DHX15: variants seen among roughly 807,000 people sequenced by gnomAD.
DHX15 encodes the protein DEAH-box helicase 15.
Under a neutral mutation model 94.4 loss-of-function variants are expected in DHX15, and 11 were observed. That is an observed-to-expected ratio of 0.12 (90% CI 0.07 to 0.19). The LOEUF (loss-of-function observed/expected upper bound fraction) is 0.19. DHX15 is among the 10% of genes least tolerant of loss of function. The pLI is 1.00. For missense variants in DHX15, 304 were observed against 988.5 expected, an observed-to-expected ratio of 0.31 and a Z score of 9.29; for synonymous variants, 338 against 329.9, an observed-to-expected ratio of 1.02 and a Z score of -0.27.
At chr4:24,543,458 T>C (rs1721359677) in intron 6 of DHX15, among the ~76,000 whole-genome samples, 1 of 152,142 alleles carries the variant, frequency 6.6e-6, no homozygotes, top group South Asian at 2.1e-4. Context: ...GTTATTTATA[T>C]CACCAAAATT....
chr4:24,584,155 G>A, intron 1 of DHX15, 168 bp downstream of exon 1: 3 of 694,294 alleles, frequency 4.3e-6, no homozygotes, highest in South Asian at 1.9e-5. Flanking sequence ...CGCCCTTGCC[G>A]GGCCGAACGG....
rs537915513 is a variant in DHX15 at position 24,542,888 on chromosome 4, G to C, written c.1335+52C>G. 7.6e-6 allele frequency: 10 copies of C among 1,312,946 alleles called. No homozygotes were observed. In the South Asian group the frequency reaches 1.1e-4, roughly 15 times the overall value. 81.3% of individuals were successfully genotyped at this position (1,312,946 alleles called of 1,614,324 possible). A position where few individuals can be genotyped will look rare whatever the true frequency, so the allele number is the denominator to read the frequency against. On this transcript the variant is annotated intron_variant, in intron 7 of 13. Transcript: ENST00000336812. ...ATTTTAGCCATTAAATGAATTGGTT[G>C]TAAGTACTGTTAAACCAACTCTAAT...
intron 11 of DHX15, among the ~76,000 whole-genome samples, chr4:24,536,322 T>C (rs949590599): frequency 3.3e-5 from 5 of 152,222 alleles, no homozygotes; most frequent in African/African-American, 1.2e-4. Flanking sequence ...GGTGAAATTA[T>C]TTAATCAAAT....
At chr4:24,579,707 T>C (rs1722362765) in intron 1 of DHX15, among the ~76,000 whole-genome samples, 1 of 152,240 alleles carries the variant, frequency 6.6e-6, no homozygotes, top group African/African-American at 2.4e-5. Flanking sequence ...AGTTAATATA[T>C]GTGATGTGCT....
chr4:24,530,637 A>T (rs1159424143), intron 12 of DHX15: 1 of 151,864 alleles, frequency 6.6e-6, no homozygotes, highest in East Asian at 1.9e-4. Context: ...GAGGGCAAAG[A>T]GGAAAAGAAA....
chr4:24,547,895 ATG>A (rs1349496773), intron 6 of DHX15, among the ~76,000 whole-genome samples: 35 of 44,754 alleles, frequency 7.8e-4, no homozygotes, highest in East Asian at 1.7e-3. Context: ...CTCTCTATGT[ATG>A]TATGTGTATA....
intron 3 of DHX15, among the ~76,000 whole-genome samples, chr4:24,559,028 C>T (rs534942732): frequency 6.6e-6 from 1 of 152,238 alleles, no homozygotes; most frequent in South Asian, 2.1e-4. Flanking sequence ...TGACATTACT[C>T]AGAAATAGGG....
intron 2 of DHX15, among the ~76,000 whole-genome samples, chr4:24,574,275 G>A (rs1722193415): frequency 1.5e-5 from 2 of 133,916 alleles, no homozygotes; most frequent in South Asian, 4.9e-4. Flanking sequence ...TTTCTGACAA[G>A]AACAAATCAC....
intron 2 of DHX15, among the ~76,000 whole-genome samples, chr4:24,571,514 G>A (rs1315029641): frequency 6.6e-6 from 1 of 152,204 alleles, no homozygotes; most frequent in Non-Finnish European, 1.5e-5. Flanking sequence ...TGCCATGACG[G>A]CAGTACATTT....
At chr4:24,564,848 T>C (rs1461162124) in intron 3 of DHX15, among the ~76,000 whole-genome samples, 1 of 152,136 alleles carries the variant, frequency 6.6e-6, no homozygotes, top group African/African-American at 2.4e-5. Flanking sequence ...TCTACAGTGT[T>C]TCAATGTTCA....
At position 24,554,755 on chromosome 4, in the gene DHX15, T is replaced by C; in HGVS notation, c.1050A>G (p.Gly350=). 1.2e-6 allele frequency: 2 copies of C among 1,613,314 alleles called. No individual in the cohort carries two copies. The highest frequency in any genetic ancestry group is 1.1e-5 in the South Asian group (1 of 91,062). Reference sequence around the variant, plus strand: ...GACCAGTTAAGAAAAGAAGAAGATCTCCCTCTTCCTCTTCACACATATGAA... The same window carrying C: ...GACCAGTTAAGAAAAGAAGAAGATCCCCCTCTTCCTCTTCACACATATGAA... ...IQIHMCEEEE[G]DLLLFLTGQE... The change falls in exon 5 of 14, where the codon GGA becomes GGG. Residue 350 remains glycine, a synonymous_variant. Coordinates refer to ENST00000336812, the MANE Select transcript of DHX15 (RefSeq NM_001358.3).
At chr4:24,570,400 A>C (rs1722097540) in intron 3 of DHX15, among the ~76,000 whole-genome samples, 1 of 152,178 alleles carries the variant, frequency 6.6e-6, no homozygotes. Flanking sequence ...CACATTTTAC[A>C]GTATCAGTAA....
chr4:24,544,225 T>C (rs1012782788), intron 6 of DHX15, among the ~76,000 whole-genome samples: 1 of 152,202 alleles, frequency 6.6e-6, no homozygotes, highest in Non-Finnish European at 1.5e-5. Flanking sequence ...ATTTTATAAA[T>C]CAAATAGCTT....
At chr4:24,549,431 G>T (rs766324502) in intron 5 of DHX15, among the ~76,000 whole-genome samples, 1 of 152,202 alleles carries the variant, frequency 6.6e-6, no homozygotes, top group African/African-American at 2.4e-5. Context: ...TTAATGTCAC[G>T]TATCACTAAT....
chr4:24,529,887 C>T (rs1721037921), intron 12 of DHX15, 117 bp from the exon 13 acceptor site: 2 of 1,040,010 alleles, frequency 1.9e-6, no homozygotes, highest in Non-Finnish European at 2.9e-6. Context: ...TATGGCTATA[C>T]TTATTTATCA....
In DHX15 at chr4:24,527,746, A is replaced by C; in HGVS notation, c.*178T>G. ...GTATGAGCTACAGTGTCAACACAAA[A>C]GGGAGGCATAAATGTTTAATTTATG... On this transcript the variant is annotated 3_prime_UTR_variant, in exon 14 of 14. Transcript: ENST00000336812. 1 of 534,358 alleles carries C rather than the reference A, an allele frequency of 1.9e-6. No homozygotes were observed. Among genetic ancestry groups the C allele is most frequent in the Non-Finnish European group, 3.3e-6 (1 of 300,076 alleles). The allele number at this position is 534,358 out of a possible 1,614,324, so 33.1% of individuals were successfully genotyped here.
At chr4:24,556,084 A>G (rs1197653562) in intron 4 of DHX15, among the ~76,000 whole-genome samples, 167 bp downstream of exon 4, 1 of 152,176 alleles carries the variant, frequency 6.6e-6, no homozygotes, top group African/African-American at 2.4e-5. Flanking sequence ...GGAGAAATAA[A>G]GTCTAAAATG....
intron 7 of DHX15, 46 bp downstream of exon 7, chr4:24,542,894 A>G (rs1296552800): frequency 7.4e-6 from 10 of 1,360,436 alleles, no homozygotes; most frequent in Non-Finnish European, 1.0e-5. Flanking sequence ...GGTTGTAAGT[A>G]CTGTTAAACC....
intron 5 of DHX15, among the ~76,000 whole-genome samples, chr4:24,552,888 A>G (rs1041155693): frequency 3.9e-5 from 6 of 152,220 alleles, no homozygotes; most frequent in African/African-American, 1.4e-4. Context: ...CAGCTGTGGG[A>G]TTCACAGAAA....
Sources: gnomAD v4.1 joint callset for allele counts (sites outside exome capture counted in the v4.1 genomes callset) on GRCh38, gnomAD v4.1.1 for gene constraint, MANE v1.5 for transcripts, NCBI Gene and HGNC (gene_info 2026-07-23, HGNC 2026-07-21) for gene names.